Variants in CNTN4 observed in about 807,000 individuals in gnomAD.
CNTN4 encodes the protein contactin 4.
In CNTN4, 77 loss-of-function variants were observed where a neutral mutation model predicts 122.5. The ratio of observed to expected loss-of-function variants is 0.63; its 90% CI spans 0.52 to 0.76. The LOEUF (loss-of-function observed/expected upper bound fraction) is 0.76, where lower values mean the gene tolerates loss of function less well. Ranked by LOEUF, CNTN4 falls within the 30% of genes least tolerant of loss-of-function variation. CNTN4 has a pLI of 0.00. For missense variants in CNTN4, 1,256 were observed against 1,259.1 expected (o/e 1.00, Z 0.04); for synonymous variants, 512 against 447.0 (o/e 1.15, Z -1.83).
chr3:2,473,754 T>C (rs543512923), intron 3 of CNTN4, among the ~76,000 whole-genome samples: 21 of 152,258 alleles, frequency 1.4e-4, no homozygotes, highest in African/African-American at 4.3e-4. Context: ...GGCTCATGAC[T>C]GTAATCCCAG....
At chr3:2,256,107 A>G (rs2040579237) in intron 2 of CNTN4, among the ~76,000 whole-genome samples, 1 of 152,204 alleles carries the variant, frequency 6.6e-6, no homozygotes, top group Non-Finnish European at 1.5e-5. Context: ...GATAAAGGGG[A>G]TATCACCACT....
At chr3:2,391,577 C>T (rs13098123) in intron 3 of CNTN4, among the ~76,000 whole-genome samples, 24,406 of 152,168 alleles carry the variant, frequency 0.16, 2,403 homozygotes, top group Middle Eastern at 0.26. Context: ...TATGAGTGAA[C>T]TGAGCCTTGT....
intron 2 of CNTN4, among the ~76,000 whole-genome samples, chr3:2,236,938 A>G (rs1283023367): frequency 6.6e-6 from 1 of 152,194 alleles, no homozygotes; most frequent in Non-Finnish European, 1.5e-5. Flanking sequence ...ATGGGAAGGA[A>G]CATGGCACAT....
rs2093353896 is a variant in CNTN4, at chr3:2,841,066, G to T, written c.454+21485G>T. Among the ~76,000 whole-genome samples, 1 of 152,112 alleles carries T rather than the reference G, an allele frequency of 6.6e-6. No homozygotes were observed. The highest frequency in any genetic ancestry group is 2.4e-5 in the African/African-American group (1 of 41,418). On this transcript the variant is annotated intron_variant, in intron 7 of 24. Transcript: ENST00000418658. This position sits in a 1 kb window ranked among gnomAD's most constrained non-coding sequence, Gnocchi z 4.8. ...TCAAAGAGTGAGGAAAAAAGTCAAG[G>T]ATCTTCAAAATCATACATGACTGAT...
intron 2 of CNTN4, among the ~76,000 whole-genome samples, chr3:2,125,894 G>GGTGTGTGTGTGTGTGT (rs61706367): frequency 1.2e-3 from 169 of 143,458 alleles, no homozygotes; most frequent in African/African-American, 4.0e-3. Context: ...TTTTATTTCT[G>GGTGTGTGTGTGTGTGT]GTGTGTGTGT....
chr3:2,817,525 A>G (rs1406613357), intron 6 of CNTN4, among the ~76,000 whole-genome samples: 1 of 152,250 alleles, frequency 6.6e-6, no homozygotes, highest in Non-Finnish European at 1.5e-5. Context: ...AAGTGAATGA[A>G]TTCATAAACT....
At chr3:2,510,949 C>T (rs1281399038) in intron 3 of CNTN4, among the ~76,000 whole-genome samples, 1 of 152,050 alleles carries the variant, frequency 6.6e-6, no homozygotes, top group Admixed American at 6.5e-5. Context: ...ATGCCCTGGA[C>T]TTCTAGTATT....
chr3:2,480,866 A>T (rs1286942334), intron 3 of CNTN4, among the ~76,000 whole-genome samples: 1 of 152,238 alleles, frequency 6.6e-6, no homozygotes, highest in Non-Finnish European at 1.5e-5. Flanking sequence ...AGCTACAGAA[A>T]TCAAGACAGT....
intron 3 of CNTN4, among the ~76,000 whole-genome samples, chr3:2,449,049 G>A (rs1024994323): frequency 8.5e-5 from 13 of 152,054 alleles, no homozygotes; most frequent in African/African-American, 3.1e-4. Flanking sequence ...TTCAGAGAGT[G>A]CATATTACTT....
intron 4 of CNTN4, among the ~76,000 whole-genome samples, chr3:2,628,979 C>T: frequency 6.6e-6 from 1 of 152,124 alleles, no homozygotes; most frequent in East Asian, 1.9e-4. Flanking sequence ...ACTGCTGTTA[C>T]AGTGGACCTT....
chr3:2,120,392 TA>T (rs1559260899), intron 2 of CNTN4, among the ~76,000 whole-genome samples: 6 of 29,864 alleles, frequency 2.0e-4, no homozygotes, highest in Admixed American at 5.7e-4. Flanking sequence ...TATATATATA[TA>T]TATATATATA....
chr3:2,689,906 C>T (rs1360370039), intron 4 of CNTN4, among the ~76,000 whole-genome samples: 1 of 151,976 alleles, frequency 6.6e-6, no homozygotes, highest in Admixed American at 6.6e-5. Flanking sequence ...CCAGTCATAT[C>T]CTGTGAGGTA....
At chr3:2,898,797 T>C (rs1324372803) in intron 10 of CNTN4, among the ~76,000 whole-genome samples, 1 of 152,228 alleles carries the variant, frequency 6.6e-6, no homozygotes, top group Non-Finnish European at 1.5e-5. Flanking sequence ...GTGGCTTTTC[T>C]TGTTTGCTTT....
chr3:3,038,964 T>A lies in CNTN4; in HGVS notation c.2124T>A (p.Gly708=). ...LPEVTPANVS[G]GGGSKSELVI... is the part of the protein sequence containing the mutation. The stretch of plus-strand genomic sequence containing the variant: ...AAGTCACACCAGCGAATGTCAGTGG[T>A]GGCGGAGGCAGCAAATCTGAACTGG... The change falls in exon 19 of 25, where the codon GGT becomes GGA. Residue 708 remains glycine (G), a synonymous_variant. Coordinates refer to ENST00000418658, the MANE Select transcript of CNTN4 (RefSeq NM_175607.3). 2 of 1,614,170 alleles carry A rather than the reference T, an allele frequency of 1.2e-6. No homozygotes were observed. The highest frequency in any genetic ancestry group is 1.7e-6 in the Non-Finnish European group (2 of 1,180,022).
chr3:2,140,582 G>T (rs901898160), intron 2 of CNTN4, among the ~76,000 whole-genome samples: 2 of 152,062 alleles, frequency 1.3e-5, no homozygotes, highest in Non-Finnish European at 2.9e-5. Flanking sequence ...TTTTATAAGG[G>T]CGCTAACCCC....
chr3:2,383,938 G>C (rs2046133076), intron 3 of CNTN4, among the ~76,000 whole-genome samples: 1 of 152,104 alleles, frequency 6.6e-6, no homozygotes, highest in African/African-American at 2.4e-5. Context: ...TTAAGTTGGA[G>C]ACCTTCTGTG....
At chr3:2,559,367 G>A (rs2078851501) in intron 3 of CNTN4, among the ~76,000 whole-genome samples, 1 of 152,076 alleles carries the variant, frequency 6.6e-6, no homozygotes, top group East Asian at 1.9e-4. Flanking sequence ...TACACTGGGA[G>A]GAAATTGGCC....
chr3:2,189,098 C>G (rs1205270797), intron 2 of CNTN4, among the ~76,000 whole-genome samples: 2 of 152,098 alleles, frequency 1.3e-5, no homozygotes, highest in African/African-American at 4.8e-5. Flanking sequence ...TTGGAAATGA[C>G]CTTTCCTTCT....
In CNTN4 at chr3:2,643,493, G is replaced by A. The variant is rs114455291; in HGVS notation, c.55+71935G>A. Among the ~76,000 whole-genome samples the A allele has an allele frequency of 2.7e-3, 418 of 152,178 alleles. 1 individual carries two copies. The highest frequency in any genetic ancestry group is 9.5e-3 in the African/African-American group (395 of 41,532). On this transcript the variant is annotated intron_variant, in intron 4 of 24. Transcript: ENST00000418658. ...AGCCGGAAAGCTCTTATTGAACGAC[G>A]TTCACTAGTCTAGTGACTTGTGTGC...
Sources: gnomAD v4.1 joint callset for allele counts (sites outside exome capture counted in the v4.1 genomes callset) on GRCh38, gnomAD v4.1.1 for gene constraint, Gnocchi (gnomAD v3.1) non-coding constraint, MANE v1.5 for transcripts, NCBI Gene and HGNC (gene_info 2026-07-23, HGNC 2026-07-21) for gene names.